Variants in CHP1 observed in about 807,000 individuals in gnomAD.
CHP1 encodes calcineurin B homologous protein 1.
Under a neutral mutation model 27.4 loss-of-function variants are expected in CHP1, and 11 were observed. The ratio of observed to expected loss-of-function variants is 0.40; its 90% CI spans 0.25 to 0.67. The LOEUF (loss-of-function observed/expected upper bound fraction) is 0.67, where lower values mean the gene tolerates loss of function less well. Ranked by LOEUF, CHP1 falls within the 30% of genes least tolerant of loss-of-function variation. CHP1 has a pLI of 0.38. For missense variants in CHP1, 169 were observed against 251.3 expected (o/e 0.67, Z 2.22); for synonymous variants, 89 against 87.4 (o/e 1.02, Z -0.10).
intron 3 of CHP1, among the ~76,000 whole-genome samples, chr15:41,261,327 T>C (rs2047432067): frequency 6.6e-6 from 1 of 151,828 alleles, no homozygotes. Flanking sequence ...GCTAATTTTT[T>C]TGTATTTTTA....
At chr15:41,252,748 A>C (rs1291967127) in intron 2 of CHP1, among the ~76,000 whole-genome samples, 2 of 151,984 alleles carry the variant, frequency 1.3e-5, no homozygotes, top group Non-Finnish European at 2.9e-5. Flanking sequence ...CCCCATTGGA[A>C]ATTTCTTGGC....
intron 2 of CHP1, among the ~76,000 whole-genome samples, chr15:41,250,144 G>C (rs990302609): frequency 6.6e-6 from 1 of 151,044 alleles, no homozygotes; most frequent in Non-Finnish European, 1.5e-5. Context: ...GAAAACCTTG[G>C]TCAACAAGGT....
In CHP1 at chr15:41,250,835, C is replaced by CT. The variant is rs1188897531; in HGVS notation, c.141-6062dup. ...TATTTAAGACTTTCTTTCTTTCTTT[C>CT]TTTTTTTTTTTTTGAGACAGAGTCT... On this transcript the variant is annotated intron_variant, in intron 2 of 6. Coordinates refer to ENST00000334660, the MANE Select transcript of CHP1 (RefSeq NM_007236.5). Among the ~76,000 whole-genome samples the CT allele has an allele frequency of 1.9e-3, 271 of 143,830 alleles. 1 individual carries two copies. Among genetic ancestry groups the CT allele is most frequent in the Admixed American group, 3.2e-3 (46 of 14,288 alleles). 94.4% of individuals were successfully genotyped at this position (143,830 alleles called of 152,430 possible).
intron 1 of CHP1, among the ~76,000 whole-genome samples, chr15:41,236,835 T>A (rs1422334424): frequency 2.0e-5 from 3 of 151,042 alleles, no homozygotes; most frequent in Admixed American, 2.0e-4. Context: ...ATACTATCTT[T>A]TTTTTTTTTT....
At chr15:41,257,582 CAG>C (rs1185608250) in intron 3 of CHP1, among the ~76,000 whole-genome samples, 1 of 151,668 alleles carries the variant, frequency 6.6e-6, no homozygotes, top group African/African-American at 2.4e-5. Flanking sequence ...TGTTTTAAGA[CAG>C]AGTCTTGCTC....
chr15:41,251,584 A>G (rs1032626240), intron 2 of CHP1, among the ~76,000 whole-genome samples: 1 of 152,166 alleles, frequency 6.6e-6, no homozygotes, highest in Non-Finnish European at 1.5e-5. Context: ...GCCTCCGGTC[A>G]GATCAGTGGC....
At chr15:41,233,738 CAA>C (rs1237118137) in intron 1 of CHP1, among the ~76,000 whole-genome samples, 2 of 151,964 alleles carry the variant, frequency 1.3e-5, no homozygotes, top group African/African-American at 4.8e-5. Flanking sequence ...AGAAATCAGG[CAA>C]GAGAGAGAGT....
intron 3 of CHP1, among the ~76,000 whole-genome samples, chr15:41,259,107 C>T (rs1453801884): frequency 6.6e-6 from 1 of 152,070 alleles, no homozygotes; most frequent in Non-Finnish European, 1.5e-5. Context: ...ATGCTGAATT[C>T]TTCCTTTTTT....
Position 41,250,119 on chromosome 15 carries a change from T to C in CHP1, c.140+6380T>C, listed in dbSNP as rs144918444. On this transcript the variant is annotated intron_variant, in intron 2 of 6. Coordinates refer to ENST00000334660, the MANE Select transcript of CHP1 (RefSeq NM_007236.5). ...AAAAAAAAAAAAAAGCAAAAAGTTA[T>C]TGACTAAAATTTGTGAAAACCTTGG... Among the ~76,000 whole-genome samples, 717 of 151,622 alleles carry C rather than the reference T, an allele frequency of 4.7e-3. 8 individuals are homozygous for C. The highest frequency in any genetic ancestry group is 0.017 in the African/African-American group (692 of 41,374).
At chr15:41,238,806 C>T (rs577632730) in intron 1 of CHP1, among the ~76,000 whole-genome samples, 5 of 152,062 alleles carry the variant, frequency 3.3e-5, no homozygotes, top group South Asian at 4.1e-4. Context: ...GAGCCAAGAT[C>T]GCGCCACTGC....
chr15:41,258,799 T>A (rs1224199671), intron 3 of CHP1, among the ~76,000 whole-genome samples: 1 of 152,174 alleles, frequency 6.6e-6, no homozygotes, highest in Non-Finnish European at 1.5e-5. Context: ...CCCACAGGAC[T>A]TCAAAATATT....
chr15:41,238,556 A>G (rs1008836608), intron 1 of CHP1, among the ~76,000 whole-genome samples: 1 of 151,936 alleles, frequency 6.6e-6, no homozygotes, highest in African/African-American at 2.4e-5. Flanking sequence ...AGACATGTTT[A>G]TAGCAGGGCA....
At position 41,280,193 on chromosome 15, in the gene CHP1, G is replaced by GGGTATCCATTCTTTTC. The variant is rs2047538503; in HGVS notation, c.*804_*805insGGTATCCATTCTTTTC. The GGGTATCCATTCTTTTC allele has an allele frequency of 6.6e-6, 1 of 152,242 alleles. No homozygotes were observed. The highest frequency in any genetic ancestry group is 1.5e-5 in the Non-Finnish European group (1 of 68,086). The allele number at this position is 152,242 out of a possible 1,614,324, so 9.4% of individuals were successfully genotyped here. ...CCACATCACTCTATCTCTGGCCTCT[G>GGGTATCCATTCTTTTC]ATTCTCAACTTTGTACCTGTGTGGC... On this transcript the variant is annotated 3_prime_UTR_variant, in exon 7 of 7. Coordinates refer to ENST00000334660, the MANE Select transcript of CHP1 (RefSeq NM_007236.5).
intron 2 of CHP1, among the ~76,000 whole-genome samples, chr15:41,254,421 C>T (rs934882350): frequency 2.6e-5 from 4 of 152,186 alleles, no homozygotes; most frequent in Admixed American, 2.6e-4. Flanking sequence ...GTTTCTTGAC[C>T]TCTGTCAGAC....
At chr15:41,271,408 A>G (rs991516967) in intron 5 of CHP1, among the ~76,000 whole-genome samples, 5 of 152,192 alleles carry the variant, frequency 3.3e-5, no homozygotes, top group African/African-American at 1.2e-4. Context: ...AGCCTGAGCG[A>G]CAAGAGTGAA....
chr15:41,279,193 G>C (rs1219836785), intron 6 of CHP1, 143 bp from the exon 7 acceptor site: 1 of 693,200 alleles, frequency 1.4e-6, no homozygotes, highest in Non-Finnish European at 2.4e-6. Context: ...CCTGGCAACA[G>C]AGTGAGACTC....
chr15:41,241,341 G>C (rs1312315791), intron 1 of CHP1, among the ~76,000 whole-genome samples: 1 of 152,240 alleles, frequency 6.6e-6, no homozygotes, highest in Non-Finnish European at 1.5e-5. Flanking sequence ...TGTGCCTTCA[G>C]GCTCAGGATG....
At chr15:41,255,223 T>A (rs1440041583) in intron 2 of CHP1, among the ~76,000 whole-genome samples, 1 of 152,204 alleles carries the variant, frequency 6.6e-6, no homozygotes, top group Non-Finnish European at 1.5e-5. Flanking sequence ...TTGTTGTGTG[T>A]CTCTTTAGCC....
intron 2 of CHP1, among the ~76,000 whole-genome samples, chr15:41,255,754 G>C (rs750844865): frequency 6.8e-6 from 1 of 148,078 alleles, no homozygotes; most frequent in African/African-American, 2.5e-5. Flanking sequence ...GCTCACTCCT[G>C]TAATCCCACC....
Sources: allele counts gnomAD v4.1 joint callset (sites outside exome capture counted in the v4.1 genomes callset), GRCh38; gene constraint gnomAD v4.1.1; transcripts MANE v1.5; gene names NCBI Gene and HGNC (gene_info 2026-07-23, HGNC 2026-07-21).